The following ENO4 variants were observed in gnomAD, a reference collection of about 807,000 sequenced individuals.
ENO4 encodes 2-phospho-D-glycerate hydro-lyase.
Under a neutral mutation model 63.2 loss-of-function variants are expected in ENO4, and 53 were observed. The ratio of observed to expected loss-of-function variants is 0.84; its 90% CI spans 0.67 to 1.05. ENO4 has a LOEUF of 1.05. Among genes scored for constraint, ENO4 ranks in the 50% least tolerant of loss-of-function variants. The pLI is 0.00. For synonymous variants in ENO4, 266 were observed against 283.8 expected (o/e 0.94, Z 0.63); for missense variants, 719 against 772.0 (o/e 0.93, Z 0.81).
Position 116,859,110 on chromosome 10 carries a change from T to C in ENO4, c.606T>C (p.Pro202=). The change falls in exon 4 of 14, where the codon CCT becomes CCC. Residue 202 remains proline, a synonymous_variant. Coordinates refer to ENST00000341276, the MANE Select transcript of ENO4 (RefSeq NM_001242699.2). ...PPVPPPPPPP[P]PTKKKGQKPG... is the part of the protein sequence containing the mutation. Reference sequence around the variant, plus strand: ...TACCACCACCACCACCCCCTCCACCTCCTACCAAAAAAAAGGGGCAAAAGC... The same window carrying C: ...TACCACCACCACCACCCCCTCCACCCCCTACCAAAAAAAAGGGGCAAAAGC... 2 of 1,190,604 alleles carry C rather than the reference T, an allele frequency of 1.7e-6. No homozygotes were observed. Among genetic ancestry groups the C allele is most frequent in the Non-Finnish European group, 2.3e-6 (2 of 886,044 alleles). 73.8% of individuals were successfully genotyped at this position (1,190,604 alleles called of 1,614,324 possible).
chr10:116,880,249 A>C (rs1463175576), intron 13 of ENO4, among the ~76,000 whole-genome samples: 1 of 152,204 alleles, frequency 6.6e-6, no homozygotes, highest in Non-Finnish European at 1.5e-5. Context: ...ATTGATTGGA[A>C]TTTCCAAGCC....
intron 13 of ENO4, among the ~76,000 whole-genome samples, chr10:116,880,313 A>C (rs1249321617): frequency 6.6e-6 from 1 of 152,236 alleles, no homozygotes; most frequent in African/African-American, 2.4e-5. Context: ...CAGCCCATGA[A>C]AGTTAAAGGC....
intron 12 of ENO4, among the ~76,000 whole-genome samples, 180 bp from the exon 13 acceptor site, chr10:116,879,689 A>G (rs1425524619): frequency 6.6e-6 from 1 of 152,212 alleles, no homozygotes; most frequent in South Asian, 2.1e-4. Flanking sequence ...CAGCCACATC[A>G]TCTGTTTGCC....
chr10:116,897,136 G>C (rs7076347), intron 10 of ENO4, among the ~76,000 whole-genome samples: 8,721 of 152,154 alleles, frequency 0.057, 801 homozygotes, highest in African/African-American at 0.19. Flanking sequence ...TACTTCTAAT[G>C]TAAAAAGGTC....
chr10:116,879,339 A>G lies in ENO4; in HGVS notation c.1586A>G (p.Asp529Gly), dbSNP rs1846931709. 1.3e-6 allele frequency: 2 copies of G among 1,550,246 alleles called. No individual in the cohort carries two copies. Among genetic ancestry groups the G allele is most frequent in the East Asian group, 2.4e-5 (1 of 40,908 alleles). The change falls in exon 12 of 14, where the codon GAT becomes GGT. Residue 529 changes from aspartate (D) to glycine (G), a missense_variant. By Grantham distance (94) the Asp-to-Gly change is moderately conservative. Transcript: ENST00000341276. ...GGAAGTACAGAAGGAGAATCATCTG[A>G]TGACAGCCTTGTCGATTTGGTAAGT... ...VFGSTEGESS[D>G]DSLVDLAVGL... is the part of the protein sequence containing the mutation.
In ENO4 at chr10:116,879,304, C is replaced by T; in HGVS notation, c.1551C>T (p.Ile517=). ...ITNLIDSKKH[I]TVFGSTEGES... Reference sequence around the variant, plus strand: ...TTCCTCTTCCAGGTAAGAAGCACATCACTGTCTTTGGAAGTACAGAAGGAG... The same window carrying T: ...TTCCTCTTCCAGGTAAGAAGCACATTACTGTCTTTGGAAGTACAGAAGGAG... Residue 517 remains isoleucine, a synonymous_variant, in exon 12 of 14, where the codon ATC becomes ATT. Coordinates refer to ENST00000341276, the MANE Select transcript of ENO4 (RefSeq NM_001242699.2). 1 of 1,550,294 alleles carries T rather than the reference C, an allele frequency of 6.5e-7. No homozygotes were observed. The highest frequency in any genetic ancestry group is 8.7e-7 in the Non-Finnish European group (1 of 1,146,582).
intron 11 of ENO4, among the ~76,000 whole-genome samples, chr10:116,878,172 T>C (rs1018507984): frequency 1.3e-5 from 2 of 152,210 alleles, no homozygotes; most frequent in Non-Finnish European, 2.9e-5. Flanking sequence ...ACTGAGTTCA[T>C]GGGCATCTTG....
At position 116,881,867 on chromosome 10, in the gene ENO4, C is replaced by T. The variant is rs905866111; in HGVS notation, c.*198C>T. The stretch of plus-strand genomic sequence containing the variant: ...AAATTCTGTGAACTTCGTTTTGCAG[C>T]CACCACACTTCCATGTGGATTTTGT... On this transcript the variant is annotated 3_prime_UTR_variant, in exon 14 of 14. Transcript: ENST00000341276. 4.7e-6 allele frequency: 2 copies of T among 425,086 alleles called. No homozygotes were observed. Among genetic ancestry groups the T allele is most frequent in the Non-Finnish European group, 8.1e-6 (2 of 245,602 alleles). The allele number at this position is 425,086 out of a possible 1,614,324, so 26.3% of individuals were successfully genotyped here. A position where few individuals can be genotyped will look rare whatever the true frequency, so the allele number is the denominator to read the frequency against.
At chr10:116,902,100 T>C in intron 10 of ENO4, 1 of 719,652 alleles carries the variant, frequency 1.4e-6, no homozygotes, top group Non-Finnish European at 2.2e-6. Context: ...TGGAAAATGT[T>C]GTTGGAAATC....
At chr10:116,883,135 G>T (rs1261546601), downstream of ENO4, 1 of 152,112 alleles carries the variant, frequency 6.6e-6, no homozygotes, top group African/African-American at 2.4e-5. Flanking sequence ...AACCAGGTCA[G>T]CAGTGTGACT....
At chr10:116,856,805 C>T (rs571775740) in intron 3 of ENO4, 123 bp downstream of exon 3, 20 of 763,218 alleles carry the variant, frequency 2.6e-5, no homozygotes, top group Admixed American at 1.4e-4. Flanking sequence ...GTCGAGACCA[C>T]GGTGAAACCC....
At chr10:116,865,804 G>A (rs1191257157) in intron 7 of ENO4, among the ~76,000 whole-genome samples, 3 of 152,184 alleles carry the variant, frequency 2.0e-5, no homozygotes, top group Non-Finnish European at 4.4e-5. Context: ...TGTCAATAGC[G>A]CCAAGGCTGA....
chr10:116,859,278 C>A (rs561381605), intron 4 of ENO4, 140 bp downstream of exon 4: 2 of 924,102 alleles, frequency 2.2e-6, no homozygotes, highest in East Asian at 2.9e-5. Flanking sequence ...TCCTATGCCA[C>A]ATCCTCACTC....
intron 12 of ENO4, 89 bp from the exon 13 acceptor site, chr10:116,879,780 G>A (rs745649590): frequency 9.9e-7 from 1 of 1,006,524 alleles, no homozygotes; most frequent in South Asian, 1.6e-5. Flanking sequence ...ACAGCACACT[G>A]TGACAGTTTC....
Position 116,879,969 on chromosome 10 carries a change from TC to T in ENO4, c.1708del (p.Gln570ArgfsTer45). On this transcript the variant is annotated frameshift_variant, in exon 13 of 14. Transcript: ENST00000341276. LOFTEE classifies it low-confidence loss of function (END_TRUNC). ...NRLLTIEEELVQNGTLGFKEE... is the reference protein window; with the variant it reads ...NRLLTIEEELXQNGTLGFKEE... ...CTTCTCACTATAGAGGAAGAACTTG[TC>T]CAGAATGGAACACTGGGTATGCGCT... 6.5e-7 allele frequency: 1 copy of T among 1,550,250 alleles called. No individual in the cohort carries two copies. The highest frequency in any genetic ancestry group is 8.7e-7 in the Non-Finnish European group (1 of 1,146,452).
downstream of ENO4, chr10:116,911,936 T>A: frequency 1.1e-6 from 1 of 882,884 alleles, no homozygotes; most frequent in Non-Finnish European, 1.9e-6. Context: ...AGTAGCCTTA[T>A]ATTGGTAATA....
In ENO4 at chr10:116,877,178, CAT is replaced by C. The variant is rs199738505; in HGVS notation, c.1537+919_1537+920del. On this transcript the variant is annotated intron_variant, in intron 11 of 13. Transcript: ENST00000341276. The stretch of plus-strand genomic sequence containing the variant: ...CAGCCAAGGAACAGCAGGGGCAGAA[CAT>C]GTGTAGCCTGCATCACATTACCGCA... Among the ~76,000 whole-genome samples, 851 of 152,174 alleles carry C rather than the reference CAT, an allele frequency of 5.6e-3. 11 individuals carry two copies. Among genetic ancestry groups the C allele is most frequent in the African/African-American group, 0.02 (810 of 41,538 alleles).
rs755450363 is a variant in ENO4 at position 116,856,596 on chromosome 10, C to G, written c.399C>G (p.Thr133=). Residue 133 remains threonine, a synonymous_variant, in exon 3 of 14, where the codon ACC becomes ACG. Transcript: ENST00000341276. ...EEAERASAVS[T]AVQWVNSTIT... ...CAGAGAGGGCCAGCGCGGTGAGCAC[C>G]GCCGTGCAGTGGGTCAACAGCACCA... 6.5e-7 allele frequency: 1 copy of G among 1,535,998 alleles called. No individual in the cohort carries two copies. The highest frequency in any genetic ancestry group is 8.7e-7 in the Non-Finnish European group (1 of 1,146,920).
chr10:116,903,477 A>C (rs1324478409), intron 10 of ENO4, among the ~76,000 whole-genome samples: 1 of 151,898 alleles, frequency 6.6e-6, no homozygotes, highest in Non-Finnish European at 1.5e-5. Context: ...GTGAGCCGAG[A>C]TCACGCCACT....
Sources: gnomAD v4.1 joint callset for allele counts (sites outside exome capture counted in the v4.1 genomes callset) on GRCh38, gnomAD v4.1.1 for gene constraint, MANE v1.5 for transcripts, NCBI Gene and HGNC (gene_info 2026-07-23, HGNC 2026-07-21) for gene names.